Variants in RNF220 observed in about 807,000 individuals in gnomAD.
RNF220 encodes the protein E3 ubiquitin-protein ligase RNF220.
Under a neutral mutation model 67.1 loss-of-function variants are expected in RNF220, and 7 were observed. The observed-to-expected ratio is 0.10, with a 90% CI of 0.06 to 0.20. RNF220 has a LOEUF of 0.20. Among genes scored for constraint, RNF220 ranks in the 10% least tolerant of loss-of-function variants. The probability of loss-of-function intolerance (pLI) is 1.00; values close to 1 mark genes in which losing one functional copy is unlikely to be tolerated. For synonymous variants in RNF220, 270 were observed against 283.2 expected (o/e 0.95, Z 0.47); for missense variants, 565 against 740.3 (o/e 0.76, Z 2.75).
chr1:44,472,522 G>A (rs902268871), intron 2 of RNF220, among the ~76,000 whole-genome samples: 15 of 152,150 alleles, frequency 9.9e-5, no homozygotes, highest in African/African-American at 3.4e-4. Context: ...TTTTGGGGCC[G>A]TTTGTGTATC....
chr1:44,533,738 G>C (rs553898335), intron 2 of RNF220, among the ~76,000 whole-genome samples: 1 of 152,214 alleles, frequency 6.6e-6, no homozygotes. Context: ...GTCAGAAAAG[G>C]CTTCTGCAGG....
At position 44,467,825 on chromosome 1, in the gene RNF220, G is replaced by A. The variant is rs368749388; in HGVS notation, c.625+55103G>A. 1.1e-4 allele frequency among the ~76,000 whole-genome samples: 17 copies of A among 152,170 alleles called. 1 individual carries two copies. The highest frequency in any genetic ancestry group is 7.7e-4 in the East Asian group (4 of 5,198). ...TTTTGACATGCCGTCTTTACTGAGC[G>A]TAGTCATTTCCAGCTTTTGATTTAA... On this transcript the variant is annotated intron_variant, in intron 2 of 14. Coordinates refer to ENST00000361799, the MANE Select transcript of RNF220 (RefSeq NM_018150.4).
intron 2 of RNF220, among the ~76,000 whole-genome samples, chr1:44,486,228 G>A (rs1656288058): frequency 6.6e-6 from 1 of 151,936 alleles, no homozygotes; most frequent in South Asian, 2.1e-4. Flanking sequence ...AGAACAAAGT[G>A]AAAGGGGGGG....
At chr1:44,620,431 G>T (rs1054624621) in intron 3 of RNF220, among the ~76,000 whole-genome samples, 1 of 152,218 alleles carries the variant, frequency 6.6e-6, no homozygotes, top group African/African-American at 2.4e-5. Flanking sequence ...TTGTACAGTA[G>T]ATACCTCATT....
At chr1:44,431,658 G>A (rs151126195) in intron 2 of RNF220, among the ~76,000 whole-genome samples, 6 of 152,258 alleles carry the variant, frequency 3.9e-5, no homozygotes, top group East Asian at 1.9e-4. Context: ...TTAAGTTGGC[G>A]CTAGAGCCAC....
chr1:44,559,058 G>C (rs1663347758), intron 2 of RNF220, among the ~76,000 whole-genome samples: 1 of 152,206 alleles, frequency 6.6e-6, no homozygotes, highest in Non-Finnish European at 1.5e-5. Flanking sequence ...TCAGTGTTTT[G>C]TCCCTAGCGC....
At chr1:44,632,133 G>A (rs1352775775) in intron 5 of RNF220, 1 of 1,527,322 alleles carries the variant, frequency 6.5e-7, no homozygotes, top group African/African-American at 1.4e-5. Context: ...ACGGGGTCCC[G>A]TTAGAGCAGC....
chr1:44,504,340 A>C (rs1658217576), intron 2 of RNF220, among the ~76,000 whole-genome samples: 2 of 152,184 alleles, frequency 1.3e-5, no homozygotes, highest in Non-Finnish European at 2.9e-5. Context: ...TCTTGGGCTA[A>C]TCTGCCCAAG....
At chr1:44,523,925 C>G (rs940719523) in intron 2 of RNF220, among the ~76,000 whole-genome samples, 4 of 152,196 alleles carry the variant, frequency 2.6e-5, no homozygotes, top group African/African-American at 7.2e-5. Flanking sequence ...AGTCCGCTTG[C>G]CTTGCTCAGG....
At chr1:44,625,115 C>T (rs887199078) in intron 4 of RNF220, among the ~76,000 whole-genome samples, 1 of 152,164 alleles carries the variant, frequency 6.6e-6, no homozygotes, top group African/African-American at 2.4e-5. Context: ...CCACACTGTT[C>T]CCCCTCGTTA....
intron 2 of RNF220, among the ~76,000 whole-genome samples, chr1:44,513,379 A>G (rs984086483): frequency 5.9e-5 from 9 of 152,136 alleles, no homozygotes; most frequent in African/African-American, 2.2e-4. Context: ...TCATGGTTAA[A>G]CACTTAAACA....
intron 2 of RNF220, among the ~76,000 whole-genome samples, chr1:44,468,521 C>T (rs976985547): frequency 5.9e-5 from 9 of 152,088 alleles, no homozygotes; most frequent in African/African-American, 1.9e-4. Context: ...ATAGTACTTG[C>T]GTTTGGGGAG....
At chr1:44,592,108 A>G (rs1054891179) in intron 2 of RNF220, among the ~76,000 whole-genome samples, 3 of 152,226 alleles carry the variant, frequency 2.0e-5, no homozygotes, top group South Asian at 2.1e-4. Context: ...GAAAGGAATG[A>G]GAGAAGAAGG....
chr1:44,548,871 A>G (rs1383459244), intron 2 of RNF220, among the ~76,000 whole-genome samples: 2 of 152,156 alleles, frequency 1.3e-5, no homozygotes, highest in African/African-American at 4.8e-5. Flanking sequence ...CTTTCTAGTA[A>G]GCAACTACTG....
intron 2 of RNF220, among the ~76,000 whole-genome samples, chr1:44,482,920 C>CTTTTTTTTT (rs34268893): frequency 4.2e-4 from 29 of 69,162 alleles, no homozygotes; most frequent in Admixed American, 9.0e-4. Context: ...CACACCCAGC[C>CTTTTTTTTT]TTTTTTTTTT....
At chr1:44,513,793 C>T (rs181365438) in intron 2 of RNF220, among the ~76,000 whole-genome samples, 3 of 152,262 alleles carry the variant, frequency 2.0e-5, no homozygotes, top group Admixed American at 2.0e-4. Context: ...CATGTGTGCG[C>T]GTGTGTCTGT....
intron 2 of RNF220, among the ~76,000 whole-genome samples, chr1:44,450,900 T>C (rs1203543968): frequency 1.3e-5 from 2 of 152,194 alleles, no homozygotes; most frequent in African/African-American, 4.8e-5. Flanking sequence ...AAGACTGTAC[T>C]TGGCCCCACG....
chr1:44,633,117 A>G (rs961405221), intron 6 of RNF220, among the ~76,000 whole-genome samples: 7 of 152,320 alleles, frequency 4.6e-5, no homozygotes, highest in Admixed American at 1.3e-4. Flanking sequence ...GAGAGAGGCC[A>G]TGGAGTTCAA....
At chr1:44,513,575 G>C (rs1487530721) in intron 2 of RNF220, among the ~76,000 whole-genome samples, 1 of 152,306 alleles carries the variant, frequency 6.6e-6, no homozygotes, top group East Asian at 1.9e-4. Flanking sequence ...CTTCCAGACG[G>C]GGGGAGAAGC....
Sources: gnomAD v4.1 joint callset for allele counts (sites outside exome capture counted in the v4.1 genomes callset) on GRCh38, gnomAD v4.1.1 for gene constraint, MANE v1.5 for transcripts, NCBI Gene and HGNC (gene_info 2026-07-23, HGNC 2026-07-21) for gene names.